NR2F1-AS1: variants seen among roughly 807,000 people sequenced by gnomAD.
NR2F1-AS1 encodes the protein NR2F1 regulatory antisense RNA 1.
intron 1 of NR2F1-AS1, among the ~76,000 whole-genome samples, chr5:93,563,936 A>G (rs1752552939): frequency 6.6e-6 from 1 of 151,492 alleles, no homozygotes; most frequent in Non-Finnish European, 1.5e-5. Flanking sequence ...CCCCATCTCT[A>G]CTAACAATAC....
At chr5:93,477,679 G>A (rs912000685) in intron 4 of NR2F1-AS1, among the ~76,000 whole-genome samples, 10 of 152,034 alleles carry the variant, frequency 6.6e-5, no homozygotes, top group Admixed American at 5.2e-4. Flanking sequence ...ATTCTGAGGA[G>A]CAATGAGAGA....
chr5:93,544,672 C>T (rs1752034416), intron 4 of NR2F1-AS1: 2 of 151,798 alleles, frequency 1.3e-5, no homozygotes, highest in African/African-American at 4.8e-5. Flanking sequence ...GCCTGTAATC[C>T]CAGCACTTTG....
intron 4 of NR2F1-AS1, among the ~76,000 whole-genome samples, chr5:93,426,888 C>A (rs930603798): frequency 6.6e-6 from 1 of 151,984 alleles, no homozygotes; most frequent in African/African-American, 2.4e-5. Context: ...AATAAAAGTT[C>A]CCCCCCTCCC....
intron 4 of NR2F1-AS1, among the ~76,000 whole-genome samples, chr5:93,501,269 T>A (rs1751072813): frequency 6.6e-6 from 1 of 152,078 alleles, no homozygotes; most frequent in Non-Finnish European, 1.5e-5. Context: ...GAGGAGTTGC[T>A]TCTCATGAAT....
At chr5:93,585,397 A>G (rs376455050), upstream of NR2F1-AS1, 7 of 1,614,116 alleles carry the variant, frequency 4.3e-6, no homozygotes, top group Non-Finnish European at 5.9e-6. Context: ...TGCCGTGCCA[A>G]CAGGAACTGT....
At chr5:93,577,144 G>A (rs746820159) in intron 1 of NR2F1-AS1, among the ~76,000 whole-genome samples, 24 of 152,342 alleles carry the variant, frequency 1.6e-4, no homozygotes, top group East Asian at 7.7e-4. Context: ...CTCTCCTGCC[G>A]TCCTTCCTCC....
chr5:93,514,252 T>C (rs1751358585), intron 4 of NR2F1-AS1, among the ~76,000 whole-genome samples: 1 of 152,162 alleles, frequency 6.6e-6, no homozygotes, highest in South Asian at 2.1e-4. Context: ...CACCCAATGC[T>C]GCATACTCCA....
intron 4 of NR2F1-AS1, among the ~76,000 whole-genome samples, chr5:93,488,354 T>C (rs1750769501): frequency 6.6e-6 from 1 of 152,178 alleles, no homozygotes; most frequent in South Asian, 2.1e-4. Context: ...GATGAAGGGC[T>C]AATATCCAGA....
chr5:93,450,429 T>C (rs1049385624), intron 4 of NR2F1-AS1, among the ~76,000 whole-genome samples: 3 of 152,168 alleles, frequency 2.0e-5, no homozygotes, highest in African/African-American at 7.2e-5. Flanking sequence ...AAAGTTACTA[T>C]AAAAACCTGT....
At chr5:93,577,297 A>T (rs780373019) in intron 1 of NR2F1-AS1, among the ~76,000 whole-genome samples, 1 of 152,272 alleles carries the variant, frequency 6.6e-6, no homozygotes, top group African/African-American at 2.4e-5. Context: ...ATCTCTGAGC[A>T]TTTCGACCCA....
intron 4 of NR2F1-AS1, among the ~76,000 whole-genome samples, chr5:93,435,195 C>A (rs1408969190): frequency 6.6e-6 from 1 of 152,158 alleles, no homozygotes; most frequent in African/African-American, 2.4e-5. Flanking sequence ...ATTCCTCCTA[C>A]ATTTATCAGT....
At chr5:93,447,809 A>G (rs192744838) in intron 4 of NR2F1-AS1, among the ~76,000 whole-genome samples, 5 of 152,340 alleles carry the variant, frequency 3.3e-5, no homozygotes, top group East Asian at 3.9e-4. Flanking sequence ...ATGTCCATCA[A>G]TGATAGTCTG....
At chr5:93,549,899 G>T (rs1752185001) in intron 4 of NR2F1-AS1, among the ~76,000 whole-genome samples, 1 of 152,036 alleles carries the variant, frequency 6.6e-6, no homozygotes, top group South Asian at 2.1e-4. Context: ...TTACTCATAA[G>T]TGGGAGCTGA....
At chr5:93,529,137 C>T (rs1415039521) in intron 4 of NR2F1-AS1, among the ~76,000 whole-genome samples, 1 of 151,956 alleles carries the variant, frequency 6.6e-6, no homozygotes, top group African/African-American at 2.4e-5. Context: ...GCTGACAAGC[C>T]TTGATTAGTG....
chr5:93,470,736 A>G (rs1451829808), intron 4 of NR2F1-AS1, among the ~76,000 whole-genome samples: 1 of 151,850 alleles, frequency 6.6e-6, no homozygotes, highest in East Asian at 1.9e-4. Context: ...AAAAACAGAC[A>G]TTTGCATGGA....
Position 93,417,048 on chromosome 5 carries a change from T to A in NR2F1-AS1, n.639-21506A>T, listed in dbSNP as rs774819068. On this transcript the variant is annotated intron_variant and non_coding_transcript_variant, in intron 4 of 5. Transcript: ENST00000660523. ...AATACTCAGTGAAGCTAAGGTCACA[T>A]AGCTAGTAAGTGGCCTAGTCTTTGC... 5.1e-4 allele frequency among the ~76,000 whole-genome samples: 77 copies of A among 152,188 alleles called. 1 individual carries two copies. Among genetic ancestry groups the A allele is most frequent in the Non-Finnish European group, 9.8e-4 (67 of 68,036 alleles).
At chr5:93,533,190 T>C (rs1156646233) in intron 4 of NR2F1-AS1, among the ~76,000 whole-genome samples, 1 of 152,234 alleles carries the variant, frequency 6.6e-6, no homozygotes, top group Admixed American at 6.5e-5. Flanking sequence ...TTTAAAATAA[T>C]TAATTCTCAC....
At chr5:93,421,246 G>A (rs1228959377) in intron 4 of NR2F1-AS1, among the ~76,000 whole-genome samples, 3 of 151,964 alleles carry the variant, frequency 2.0e-5, no homozygotes, top group Non-Finnish European at 2.9e-5. Flanking sequence ...GATGGAGACC[G>A]AAATGTCTGC....
chr5:93,452,097 T>C (rs1749843321), intron 4 of NR2F1-AS1, among the ~76,000 whole-genome samples: 1 of 152,194 alleles, frequency 6.6e-6, no homozygotes, highest in Non-Finnish European at 1.5e-5. Context: ...AGAAATACAC[T>C]ATGTTTTAAA....
Sources: gnomAD v4.1 joint callset for allele counts (sites outside exome capture counted in the v4.1 genomes callset) on GRCh38, gnomAD v4.1.1 for gene constraint, MANE v1.5 for transcripts, NCBI Gene and HGNC (gene_info 2026-07-23, HGNC 2026-07-21) for gene names.